The following TFEC variants were observed in gnomAD, a reference collection of about 807,000 sequenced individuals.
TFEC encodes the protein transcription factor EC, also known as class E basic helix-loop-helix protein 34.
A neutral mutation model predicts 41.6 loss-of-function variants in TFEC; 31 were observed. The observed-to-expected ratio is 0.74, with a 90% confidence interval of 0.56 to 1.01. The LOEUF is 1.01. Ranked by LOEUF, TFEC falls within the 50% of genes least tolerant of loss-of-function variation. The pLI is 0.00. For missense variants in TFEC, 402 were observed against 404.1 expected (o/e 0.99, Z 0.04); for synonymous variants, 143 against 140.6 (o/e 1.02, Z -0.12).
chr7:116,107,453 T>C lies in TFEC; in HGVS notation c.198+3255A>G, dbSNP rs187711640. Among the ~76,000 whole-genome samples the C allele has an allele frequency of 1.8e-3, 267 of 152,308 alleles. 2 individuals are homozygous for C. The highest frequency in any genetic ancestry group is 6.1e-3 in the African/African-American group (255 of 41,564). On this transcript the variant is annotated intron_variant, in intron 3 of 8. Coordinates refer to the TFEC transcript ENST00000484212. ...AACATTAAATACTTATTTTCCTTGA[T>C]GGCAAGCTGTGAAGATGTGAGCCTG...
chr7:116,074,795 T>C (rs1796915921), intron 3 of TFEC, among the ~76,000 whole-genome samples: 1 of 152,190 alleles, frequency 6.6e-6, no homozygotes, highest in Admixed American at 6.5e-5. Context: ...GAAACATATA[T>C]ATTCATACAA....
At chr7:116,074,988 G>A (rs895692763) in intron 3 of TFEC, among the ~76,000 whole-genome samples, 4 of 152,082 alleles carry the variant, frequency 2.6e-5, no homozygotes, top group East Asian at 1.9e-4. Flanking sequence ...GCTAAATCTC[G>A]AAAACGTTAT....
At chr7:115,960,931 CA>C (rs1165696093) in intron 3 of TFEC, among the ~76,000 whole-genome samples, 2 of 151,602 alleles carry the variant, frequency 1.3e-5, no homozygotes, top group Non-Finnish European at 3.0e-5. Flanking sequence ...GATAATGAGT[CA>C]CTATTCCTAA....
chr7:115,987,981 T>C (rs529379390), intron 1 of TFEC, among the ~76,000 whole-genome samples: 10 of 152,268 alleles, frequency 6.6e-5, no homozygotes, highest in Admixed American at 5.2e-4. Flanking sequence ...GAGAAATTTT[T>C]TGGTTTTTAA....
At chr7:116,119,799 A>T (rs943397746) in intron 1 of TFEC, among the ~76,000 whole-genome samples, 1 of 151,834 alleles carries the variant, frequency 6.6e-6, no homozygotes, top group Non-Finnish European at 1.5e-5. Flanking sequence ...TTTATATACA[A>T]TAAAATTTAT....
chr7:116,070,819 C>T (rs779007043), intron 3 of TFEC, among the ~76,000 whole-genome samples: 1 of 151,216 alleles, frequency 6.6e-6, no homozygotes, highest in Non-Finnish European at 1.5e-5. Flanking sequence ...TGTCCATGTT[C>T]CTTTTATTAG....
At chr7:116,096,200 C>T (rs900136664) in intron 3 of TFEC, among the ~76,000 whole-genome samples, 1 of 152,178 alleles carries the variant, frequency 6.6e-6, no homozygotes. Context: ...GCTCCACACA[C>T]ACACATAAAC....
chr7:116,083,410 A>G lies in TFEC; in HGVS notation c.198+27298T>C, dbSNP rs777135637. ...ATACAAATTCAGCTTATTAAATTAGAATAATTCAGAACACTTATCTTAGAA... is the reference window on the plus strand; with the variant it reads ...ATACAAATTCAGCTTATTAAATTAGGATAATTCAGAACACTTATCTTAGAA... On this transcript the variant is annotated intron_variant, in intron 3 of 8. Coordinates refer to the TFEC transcript ENST00000484212. Among the ~76,000 whole-genome samples the G allele has an allele frequency of 3.3e-5, 5 of 151,966 alleles. No homozygotes were observed. In the South Asian group the frequency reaches 8.3e-4, roughly 25 times the overall value.
At chr7:115,987,403 G>C (rs1173257095) in intron 1 of TFEC, among the ~76,000 whole-genome samples, 1 of 152,158 alleles carries the variant, frequency 6.6e-6, no homozygotes, top group African/African-American at 2.4e-5. Flanking sequence ...AGGTTATAAA[G>C]ACATAAAATT....
At chr7:116,152,690 G>C (rs369533042) in intron 1 of TFEC, among the ~76,000 whole-genome samples, 20 of 152,284 alleles carry the variant, frequency 1.3e-4, no homozygotes, top group African/African-American at 4.3e-4. Flanking sequence ...GACAAAACCA[G>C]CCTCCTCTGG....
chr7:116,130,076 ACACACACACT>A (rs1798301631), intron 1 of TFEC, among the ~76,000 whole-genome samples: 1 of 150,942 alleles, frequency 6.6e-6, no homozygotes, highest in Non-Finnish European at 1.5e-5. Flanking sequence ...ACACACACAC[ACACACACACT>A]CTTACTTGAA....
At chr7:116,119,790 T>C (rs987145380) in intron 1 of TFEC, among the ~76,000 whole-genome samples, 2 of 151,766 alleles carry the variant, frequency 1.3e-5, no homozygotes, top group African/African-American at 4.8e-5. Context: ...TGGCTTAGGT[T>C]TATATACAAT....
chr7:116,055,812 G>A (rs889311803), intron 3 of TFEC, among the ~76,000 whole-genome samples: 18 of 151,982 alleles, frequency 1.2e-4, no homozygotes, highest in African/African-American at 3.4e-4. Context: ...TGGGAGAGTG[G>A]GTTGAAGAAC....
intron 2 of TFEC, among the ~76,000 whole-genome samples, chr7:115,981,373 T>C (rs1793623090): frequency 6.6e-6 from 1 of 152,132 alleles, no homozygotes; most frequent in Admixed American, 6.6e-5. Context: ...ATACCTTGAT[T>C]TCACTTTTCT....
intron 1 of TFEC, among the ~76,000 whole-genome samples, chr7:116,126,034 C>T (rs1798202416): frequency 6.6e-6 from 1 of 152,052 alleles, no homozygotes; most frequent in African/African-American, 2.4e-5. Flanking sequence ...GATCAGCTAG[C>T]TTCCCACATC....
chr7:115,958,095 A>C (rs1792331830), intron 3 of TFEC, among the ~76,000 whole-genome samples: 1 of 151,690 alleles, frequency 6.6e-6, no homozygotes, highest in Non-Finnish European at 1.5e-5. Context: ...CGTTTACTTT[A>C]TATAAACTTA....
chr7:116,105,453 A>G (rs1343938569), intron 3 of TFEC, among the ~76,000 whole-genome samples: 3 of 152,232 alleles, frequency 2.0e-5, no homozygotes, highest in Non-Finnish European at 4.4e-5. Flanking sequence ...TCCAACAGAA[A>G]AAAGAAACAT....
intron 1 of TFEC, chr7:116,117,540 C>T (rs939377834): frequency 6.6e-6 from 1 of 151,808 alleles, no homozygotes; most frequent in Non-Finnish European, 1.5e-5. Context: ...AGGAACCTCT[C>T]TTATCCTATC....
At chr7:116,041,730 A>G (rs1796041697) in intron 3 of TFEC, among the ~76,000 whole-genome samples, 1 of 152,204 alleles carries the variant, frequency 6.6e-6, no homozygotes, top group East Asian at 1.9e-4. Context: ...TGAAAAACCC[A>G]GAGATTTCAC....
Sources: gnomAD v4.1 joint callset for allele counts (sites outside exome capture counted in the v4.1 genomes callset) on GRCh38, gnomAD v4.1.1 for gene constraint, MANE v1.5 for transcripts, NCBI Gene and HGNC (gene_info 2026-07-23, HGNC 2026-07-21) for gene names.